CHRM3: variants seen among roughly 807,000 people sequenced by gnomAD.
The protein encoded by CHRM3 is cholinergic receptor muscarinic 3.
A neutral mutation model predicts 41.8 loss-of-function variants in CHRM3; 11 were observed. The observed-to-expected ratio is 0.26, with a 90% CI of 0.17 to 0.44. The LOEUF (loss-of-function observed/expected upper bound fraction) is 0.44, where lower values mean the gene tolerates loss of function less well. Among genes scored for constraint, CHRM3 ranks in the 20% least tolerant of loss-of-function variants. The pLI is 1.00. For missense variants in CHRM3, 571 were observed against 745.4 expected (o/e 0.77, Z 2.72); for synonymous variants, 297 against 301.4 (o/e 0.99, Z 0.15).
intron 6 of CHRM3, among the ~76,000 whole-genome samples, chr1:239,870,274 C>T (rs943292196): frequency 1.3e-5 from 2 of 152,160 alleles, no homozygotes; most frequent in African/African-American, 4.8e-5. Flanking sequence ...AGAAGGCAAG[C>T]GCTGAGCCAG....
At chr1:239,438,178 G>A (rs1239769342) in intron 1 of CHRM3, among the ~76,000 whole-genome samples, 1 of 152,102 alleles carries the variant, frequency 6.6e-6, no homozygotes, top group African/African-American at 2.4e-5. Flanking sequence ...TATATTTTAA[G>A]TACATTTACA....
chr1:239,470,593 C>T (rs1666044098), intron 1 of CHRM3, among the ~76,000 whole-genome samples: 1 of 152,156 alleles, frequency 6.6e-6, no homozygotes, highest in Admixed American at 6.5e-5. Context: ...CAGGAGGGAA[C>T]CAGTTAAACA....
intron 2 of CHRM3, among the ~76,000 whole-genome samples, chr1:239,539,689 G>A (rs1032088242): frequency 1.3e-5 from 2 of 152,142 alleles, no homozygotes; most frequent in Non-Finnish European, 2.9e-5. Flanking sequence ...GAGTGCAGGG[G>A]CCCCATCTTG....
intron 1 of CHRM3, among the ~76,000 whole-genome samples, chr1:239,482,977 C>T (rs763246692): frequency 2.3e-4 from 35 of 152,236 alleles, no homozygotes; most frequent in Middle Eastern, 6.8e-3. Flanking sequence ...AGAAAGCCAC[C>T]GTGCTATTCG....
At chr1:239,525,636 A>G (rs1323937060) in intron 2 of CHRM3, among the ~76,000 whole-genome samples, 3 of 152,150 alleles carry the variant, frequency 2.0e-5, no homozygotes, top group African/African-American at 7.2e-5. Flanking sequence ...ATATGCATAC[A>G]TGTTACATTC....
At chr1:239,686,644 C>T (rs1329900702) in intron 5 of CHRM3, among the ~76,000 whole-genome samples, 1 of 152,196 alleles carries the variant, frequency 6.6e-6, no homozygotes, top group Admixed American at 6.6e-5. Flanking sequence ...GGACTGGAAT[C>T]CTCACCATAT....
chr1:239,453,567 A>G (rs1293728465), intron 1 of CHRM3, among the ~76,000 whole-genome samples: 2 of 152,184 alleles, frequency 1.3e-5, no homozygotes, highest in African/African-American at 2.4e-5. Context: ...TTGTATTTCC[A>G]TACAATTAAC....
intron 5 of CHRM3, among the ~76,000 whole-genome samples, chr1:239,702,551 T>C (rs1558468807): frequency 6.6e-6 from 1 of 152,372 alleles, no homozygotes; most frequent in East Asian, 1.9e-4. Flanking sequence ...AAAGTTTCTG[T>C]CTGGCATATT....
At chr1:239,504,042 C>T (rs1473713691) in intron 2 of CHRM3, among the ~76,000 whole-genome samples, 1 of 151,946 alleles carries the variant, frequency 6.6e-6, no homozygotes, top group Non-Finnish European at 1.5e-5. Context: ...AAAGCAAATT[C>T]AATAAAAACA....
intron 1 of CHRM3, among the ~76,000 whole-genome samples, chr1:239,460,802 CA>C (rs929843287): frequency 6.6e-6 from 1 of 152,024 alleles, no homozygotes; most frequent in East Asian, 1.9e-4. Flanking sequence ...GTGATCAACA[CA>C]AAAAAATGAA....
chr1:239,516,060 G>T (rs1215429761), intron 2 of CHRM3, among the ~76,000 whole-genome samples: 4 of 151,250 alleles, frequency 2.6e-5, no homozygotes, highest in Non-Finnish European at 5.9e-5. Context: ...TCTCTTTCTC[G>T]CTCTCTCTCA....
chr1:239,545,716 C>G lies in CHRM3; in HGVS notation c.-346C>G, dbSNP rs927417750. 6.6e-6 allele frequency: 1 copy of G among 152,042 alleles called. No individual in the cohort carries two copies. Among genetic ancestry groups the G allele is most frequent in the Non-Finnish European group, 1.5e-5 (1 of 68,000 alleles). 9.4% of individuals were successfully genotyped at this position (152,042 alleles called of 1,614,324 possible). Reference sequence around the variant, plus strand: ...TGGATTGAATGAACTGTATCCATCCCCATCATGATGTACAGAACCAAGTCT... The same window carrying G: ...TGGATTGAATGAACTGTATCCATCCGCATCATGATGTACAGAACCAAGTCT... On this transcript the variant is annotated 5_prime_UTR_variant, in exon 3 of 7. Coordinates refer to ENST00000676153, the MANE Select transcript of CHRM3 (RefSeq NM_001375978.1).
chr1:239,527,163 T>C (rs1670050524), intron 2 of CHRM3, among the ~76,000 whole-genome samples: 1 of 152,086 alleles, frequency 6.6e-6, no homozygotes, highest in East Asian at 1.9e-4. Flanking sequence ...CATAAGTCTT[T>C]TACAAATGCT....
At chr1:239,739,777 T>G (rs1016557798) in intron 5 of CHRM3, among the ~76,000 whole-genome samples, 1 of 152,192 alleles carries the variant, frequency 6.6e-6, no homozygotes, top group Non-Finnish European at 1.5e-5. Flanking sequence ...ACTTAGTGTC[T>G]GTTTTCTTTA....
intron 6 of CHRM3, among the ~76,000 whole-genome samples, chr1:239,899,276 AGTGTGT>A (rs71168861): frequency 4.5e-5 from 6 of 134,634 alleles, no homozygotes; most frequent in African/African-American, 1.5e-4. Flanking sequence ...TTTTGAACTC[AGTGTGT>A]GTGTGTGTGT....
intron 6 of CHRM3, among the ~76,000 whole-genome samples, chr1:239,878,720 G>A (rs550426538): frequency 6.6e-6 from 1 of 152,130 alleles, no homozygotes; most frequent in East Asian, 1.9e-4. Flanking sequence ...AGGGCAAAGG[G>A]GATGATTAAG....
intron 1 of CHRM3, among the ~76,000 whole-genome samples, chr1:239,413,014 G>A (rs943457111): frequency 4.6e-5 from 7 of 151,602 alleles, no homozygotes; most frequent in Non-Finnish European, 8.8e-5. Context: ...GGAGGTGGAG[G>A]TTACAGTGAG....
chr1:239,585,509 C>A (rs896073193), intron 3 of CHRM3, among the ~76,000 whole-genome samples: 30 of 152,270 alleles, frequency 2.0e-4, no homozygotes, highest in African/African-American at 7.2e-4. Context: ...AGAAACACCT[C>A]CCCTTTAATC....
At chr1:239,674,650 C>G (rs1443898367) in intron 4 of CHRM3, among the ~76,000 whole-genome samples, 1 of 143,672 alleles carries the variant, frequency 7.0e-6, no homozygotes, top group Non-Finnish European at 1.5e-5. Context: ...GCAGAGCTTG[C>G]AGTGAGCCAA....
Sources: gnomAD v4.1 joint callset for allele counts (sites outside exome capture counted in the v4.1 genomes callset) on GRCh38, gnomAD v4.1.1 for gene constraint, MANE v1.5 for transcripts, NCBI Gene and HGNC (gene_info 2026-07-23, HGNC 2026-07-21) for gene names.